The following HORMAD2 variants were observed in gnomAD, a reference collection of about 807,000 sequenced individuals.
The protein encoded by HORMAD2 is HORMA domain containing 2, also known as HORMA domain-containing protein 2.
In HORMAD2, 45 loss-of-function variants were observed where a neutral mutation model predicts 38.8. The ratio of observed to expected loss-of-function variants is 1.16; its 90% CI spans 0.91 to 1.49. The LOEUF (loss-of-function observed/expected upper bound fraction) is 1.49, where lower values mean the gene tolerates loss of function less well. Ranked by LOEUF, HORMAD2 falls within the 40% of genes most tolerant of loss-of-function variation. The probability of loss-of-function intolerance (pLI) is 0.00; values close to 1 mark genes in which losing one functional copy is unlikely to be tolerated. For missense variants in HORMAD2, 338 were observed against 367.0 expected (o/e 0.92, Z 0.65); for synonymous variants, 126 against 122.8 (o/e 1.03, Z -0.17).
At chr22:30,091,675 T>A (rs1346488851) in intron 1 of HORMAD2, among the ~76,000 whole-genome samples, 1 of 152,190 alleles carries the variant, frequency 6.6e-6, no homozygotes, top group African/African-American at 2.4e-5. Flanking sequence ...CTCTTCCATA[T>A]ACTGATTTCT....
At chr22:30,125,216 CTTTTTTTTTTTTTTTTTTT>C (rs1167990121) in intron 10 of HORMAD2, among the ~76,000 whole-genome samples, 1 of 43,484 alleles carries the variant, frequency 2.3e-5, no homozygotes, top group Non-Finnish European at 4.0e-5. Flanking sequence ...TTTTTCTTTT[CTTTTTTTTTTTTTTTTTTT>C]TTTTTTTGAG....
intron 10 of HORMAD2, among the ~76,000 whole-genome samples, chr22:30,151,370 A>G (rs1375654023): frequency 1.3e-5 from 2 of 152,208 alleles, no homozygotes; most frequent in South Asian, 2.1e-4. Context: ...ATAAAAACAT[A>G]AATATGTCAA....
chr22:30,121,402 T>C (rs1922417746), intron 8 of HORMAD2, among the ~76,000 whole-genome samples: 2 of 152,192 alleles, frequency 1.3e-5, no homozygotes, highest in African/African-American at 4.8e-5. Context: ...TCAAATCAAA[T>C]TTTTAAAAAG....
Position 30,121,810 on chromosome 22 carries a change from A to C in HORMAD2, c.568+21A>C, listed in dbSNP as rs771776378. 1.9e-6 allele frequency: 3 copies of C among 1,593,780 alleles called. No individual in the cohort carries two copies. The Admixed American group carries it at 5.4e-5, about 29-fold the overall frequency. On this transcript the variant is annotated intron_variant, in intron 9 of 10. Coordinates refer to ENST00000336726, the MANE Select transcript of HORMAD2 (RefSeq NM_152510.4). ...TGCAGGTAGGTAGAGAACTTTAGGCAAATTCCTCCTTAAGTGCTGAGCTAA... is the reference window on the plus strand; with the variant it reads ...TGCAGGTAGGTAGAGAACTTTAGGCCAATTCCTCCTTAAGTGCTGAGCTAA...
chr22:30,127,756 A>C (rs940179956), intron 10 of HORMAD2, among the ~76,000 whole-genome samples: 2 of 152,216 alleles, frequency 1.3e-5, no homozygotes, highest in African/African-American at 4.8e-5. Flanking sequence ...CAACATCTTC[A>C]AATGGAATTT....
intron 10 of HORMAD2, among the ~76,000 whole-genome samples, chr22:30,174,033 A>G (rs1003342): frequency 0.45 from 68,645 of 152,012 alleles, 16,450 homozygotes; most frequent in East Asian, 0.7. Context: ...CATCATATAC[A>G]GAAAGCATAT....
chr22:30,206,251 C>G, the HORMAD2 span, among the ~76,000 whole-genome samples: 3 of 152,182 alleles, frequency 2.0e-5, no homozygotes, highest in Non-Finnish European at 4.4e-5. Context: ...ACTGCAACCT[C>G]TGCCTCCTGG....
chr22:30,205,706 G>A, the HORMAD2 span, among the ~76,000 whole-genome samples: 3 of 152,168 alleles, frequency 2.0e-5, no homozygotes, highest in African/African-American at 7.2e-5. Flanking sequence ...ATGAGTCTTG[G>A]GGGAGGGAGG....
chr22:30,079,614 T>A (rs1024518342), upstream of HORMAD2, among the ~76,000 whole-genome samples: 5 of 152,140 alleles, frequency 3.3e-5, no homozygotes, highest in Non-Finnish European at 5.9e-5. Context: ...CAAGCGATCC[T>A]CCTACCTCAG....
chr22:30,126,328 C>A (rs143023290), intron 10 of HORMAD2, among the ~76,000 whole-genome samples: 6 of 152,008 alleles, frequency 3.9e-5, no homozygotes, highest in African/African-American at 1.4e-4. Flanking sequence ...GCCACCACAC[C>A]GCCTAATTTT....
chr22:30,195,452 G>A, the HORMAD2 span, among the ~76,000 whole-genome samples: 1 of 152,134 alleles, frequency 6.6e-6, no homozygotes, highest in Non-Finnish European at 1.5e-5. Context: ...CACAAAGAGG[G>A]GAAGTGAGTT....
upstream of HORMAD2, among the ~76,000 whole-genome samples, chr22:30,079,869 G>A (rs1360285107): frequency 6.6e-6 from 1 of 152,044 alleles, no homozygotes; most frequent in Admixed American, 6.5e-5. Flanking sequence ...TTGTAGAGAC[G>A]GGTTTTCAAC....
chr22:30,122,957 A>T (rs544856237), intron 10 of HORMAD2, among the ~76,000 whole-genome samples: 1 of 152,180 alleles, frequency 6.6e-6, no homozygotes, highest in Non-Finnish European at 1.5e-5. Flanking sequence ...ATGCTATAAG[A>T]TCTTTTCAGG....
chr22:30,103,586 AT>A, intron 4 of HORMAD2, 86 bp downstream of exon 4: 1 of 556,910 alleles, frequency 1.8e-6, no homozygotes, highest in Non-Finnish European at 3.1e-6. Context: ...TAGTAAGATC[AT>A]TTTTTAAAAA....
In HORMAD2 at chr22:30,121,809, C is replaced by T. The variant is rs1195194452; in HGVS notation, c.568+20C>T. On this transcript the variant is annotated intron_variant, in intron 9 of 10. Transcript: ENST00000336726. ...ATGCAGGTAGGTAGAGAACTTTAGG[C>T]AAATTCCTCCTTAAGTGCTGAGCTA... The T allele has an allele frequency of 3.8e-6, 6 of 1,592,880 alleles. No individual in the cohort carries two copies. The highest frequency in any genetic ancestry group is 1.4e-5 in the African/African-American group (1 of 73,958).
chr22:30,093,789 T>G, intron 1 of HORMAD2, 127 bp from the exon 2 acceptor site: 1 of 522,820 alleles, frequency 1.9e-6, no homozygotes, highest in Non-Finnish European at 3.4e-6. Flanking sequence ...AAACAGTTTA[T>G]ACTTAACTGT....
chr22:30,136,147 A>G (rs1360378383), intron 10 of HORMAD2, among the ~76,000 whole-genome samples: 2 of 152,246 alleles, frequency 1.3e-5, no homozygotes, highest in Admixed American at 6.5e-5. Context: ...TAATTAGGGA[A>G]TGGATAAACT....
intron 7 of HORMAD2, among the ~76,000 whole-genome samples, chr22:30,118,000 A>T (rs118083158): frequency 3.3e-5 from 5 of 151,996 alleles, no homozygotes; most frequent in Non-Finnish European, 7.4e-5. Flanking sequence ...TAATTTTCCT[A>T]TTGCCATTAT....
At chr22:30,113,901 C>A (rs1921849940) in intron 7 of HORMAD2, among the ~76,000 whole-genome samples, 1 of 152,116 alleles carries the variant, frequency 6.6e-6, no homozygotes, top group Non-Finnish European at 1.5e-5. Context: ...TCTTTTATTT[C>A]TTTGTCTATT....
Sources: gnomAD v4.1 joint callset for allele counts (sites outside exome capture counted in the v4.1 genomes callset) on GRCh38, gnomAD v4.1.1 for gene constraint, MANE v1.5 for transcripts, NCBI Gene and HGNC (gene_info 2026-07-23, HGNC 2026-07-21) for gene names.